The following ACKR2 variants were observed in gnomAD, a reference collection of about 807,000 sequenced individuals.
ACKR2 encodes the protein atypical chemokine receptor 2.
For missense variants in ACKR2, 457 were observed against 477.3 expected (o/e 0.96, Z 0.40); for synonymous variants, 207 against 192.2 (o/e 1.08, Z -0.64).
At chr3:42,855,697 T>A (rs1206556468) in intron 2 of ACKR2, among the ~76,000 whole-genome samples, 1 of 151,446 alleles carries the variant, frequency 6.6e-6, no homozygotes, top group Non-Finnish European at 1.5e-5. Context: ...CTGATGAAAG[T>A]GATAGGAGGA....
chr3:42,851,776 G>A (rs1444491731), intron 2 of ACKR2, among the ~76,000 whole-genome samples: 2 of 152,134 alleles, frequency 1.3e-5, no homozygotes, highest in Non-Finnish European at 2.9e-5. Flanking sequence ...GGGCCTCAGT[G>A]TTCCCGGCTG....
chr3:42,834,409 C>T (rs1312404365), intron 2 of ACKR2, among the ~76,000 whole-genome samples: 4 of 152,008 alleles, frequency 2.6e-5, no homozygotes, highest in Non-Finnish European at 5.9e-5. Context: ...GGGTCTCACT[C>T]TGTTGCTTAG....
chr3:42,825,857 T>G (rs1191177377), intron 2 of ACKR2, among the ~76,000 whole-genome samples: 1 of 103,470 alleles, frequency 9.7e-6, no homozygotes, highest in Non-Finnish European at 2.3e-5. Flanking sequence ...CTGGGTTTTT[T>G]TTTTTTTGTT....
In ACKR2 at chr3:42,865,886, C is replaced by T. The variant is rs1035207893; in HGVS notation, c.*229C>T. 4.0e-6 allele frequency: 2 copies of T among 501,596 alleles called. No individual in the cohort carries two copies. Among genetic ancestry groups the T allele is most frequent in the Admixed American group, 3.9e-5 (1 of 25,642 alleles). 31.1% of individuals were successfully genotyped at this position (501,596 alleles called of 1,614,324 possible). On this transcript the variant is annotated 3_prime_UTR_variant, in exon 3 of 3. Transcript: ENST00000422265. ...TGAATTGCTACAATCTTTCTTCCTT[C>T]CTTCCTTGCTTCCTTCCTTCCTTCC...
At chr3:42,816,292 A>G (rs1287494536) in intron 1 of ACKR2, among the ~76,000 whole-genome samples, 1 of 151,908 alleles carries the variant, frequency 6.6e-6, no homozygotes, top group Non-Finnish European at 1.5e-5. Flanking sequence ...GATGCTCACC[A>G]TCAATATGGT....
rs1449020505 is a variant in ACKR2 at position 42,822,666 on chromosome 3, A to G, written c.-38+2955A>G. ...TCAGGAGTTCGAGACCAGCCTTGCC[A>G]ACATGGTGAAACCCTGTCTCTACTG... On this transcript the variant is annotated intron_variant, in intron 2 of 2. Transcript: ENST00000422265. 2.0e-5 allele frequency among the ~76,000 whole-genome samples: 3 copies of G among 152,112 alleles called. No homozygotes were observed. The South Asian group carries it at 6.2e-4, about 32-fold the overall frequency.
chr3:42,819,024 G>A (rs763694085), intron 1 of ACKR2, among the ~76,000 whole-genome samples: 4 of 152,032 alleles, frequency 2.6e-5, no homozygotes, highest in Non-Finnish European at 2.9e-5. Flanking sequence ...GTGGGATGGT[G>A]GGCACAGAAT....
chr3:42,827,158 T>G (rs538010875), intron 2 of ACKR2, among the ~76,000 whole-genome samples: 1 of 152,368 alleles, frequency 6.6e-6, no homozygotes, highest in East Asian at 1.9e-4. Context: ...TCCTGGAGAA[T>G]GCTGTATGTG....
intron 2 of ACKR2, among the ~76,000 whole-genome samples, chr3:42,846,827 G>A (rs1352777656): frequency 6.6e-6 from 1 of 152,206 alleles, no homozygotes; most frequent in Non-Finnish European, 1.5e-5. Context: ...TGCTGGCTGG[G>A]CTATGCAGTG....
At chr3:42,825,014 T>C (rs901394004) in intron 2 of ACKR2, among the ~76,000 whole-genome samples, 3 of 152,152 alleles carry the variant, frequency 2.0e-5, no homozygotes, top group African/African-American at 4.8e-5. Context: ...GGAAAATCAA[T>C]TGGCCATGGA....
In ACKR2 at chr3:42,819,668, A is replaced by G. The variant is rs972095693; in HGVS notation, c.-81A>G. 3 of 152,276 alleles carry G rather than the reference A, an allele frequency of 2.0e-5. No individual in the cohort carries two copies. Among genetic ancestry groups the G allele is most frequent in the African/African-American group, 7.2e-5 (3 of 41,462 alleles). 9.4% of individuals were successfully genotyped at this position (152,276 alleles called of 1,614,324 possible). A position where few individuals can be genotyped will look rare whatever the true frequency, so the allele number is the denominator to read the frequency against. ...ACCTGCACACAGGAGCCCTCCAGTC[A>G]GTACTGATTGAATTACTCAAGGCTG... On this transcript the variant is annotated 5_prime_UTR_variant, in exon 2 of 3. Coordinates refer to ENST00000422265, the MANE Select transcript of ACKR2 (RefSeq NM_001296.5).
Position 42,865,091 on chromosome 3 carries a change from GC to G in ACKR2, c.590del (p.Ala197GlufsTer21). The G allele has an allele frequency of 6.2e-7, 1 of 1,613,984 alleles. No individual in the cohort carries two copies. The highest frequency in any genetic ancestry group is 1.7e-5 in the Admixed American group (1 of 60,010). On this transcript the variant is annotated frameshift_variant, in exon 3 of 3. Coordinates refer to ENST00000422265, the MANE Select transcript of ACKR2 (RefSeq NM_001296.5). LOFTEE classifies it low-confidence loss of function (END_TRUNC). Reference protein sequence around the residue: ...ENPKGVWNCHADFGGHGTIWK... With the variant: ...ENPKGVWNCHXDFGGHGTIWK... ...TCCCAAGGGTGTGTGGAACTGCCAC[GC>G]AGATTTCGGCGGGCATGGGACCATT...
intron 1 of ACKR2, among the ~76,000 whole-genome samples, chr3:42,815,515 A>C (rs1700739583): frequency 6.6e-6 from 1 of 152,220 alleles, no homozygotes; most frequent in Admixed American, 6.5e-5. Flanking sequence ...ATAGTACTTA[A>C]GCTGTTCATT....
intron 1 of ACKR2, among the ~76,000 whole-genome samples, chr3:42,814,038 GA>G (rs1304038855): frequency 6.6e-6 from 1 of 152,158 alleles, no homozygotes; most frequent in Non-Finnish European, 1.5e-5. Context: ...GTTTGTGGGA[GA>G]AATTCTCTCC....
chr3:42,819,115 C>T (rs1700783538), intron 1 of ACKR2, among the ~76,000 whole-genome samples: 1 of 152,138 alleles, frequency 6.6e-6, no homozygotes, highest in African/African-American at 2.4e-5. Context: ...ACACAACCAT[C>T]ACCTCTTAAA....
At chr3:42,847,570 G>A (rs1163874749) in intron 2 of ACKR2, among the ~76,000 whole-genome samples, 4 of 152,306 alleles carry the variant, frequency 2.6e-5, no homozygotes, top group African/African-American at 7.2e-5. Context: ...CCAGAATGGG[G>A]TGAATTTTGC....
chr3:42,856,125 G>GGAGGCCCCTGGTGCA (rs2088315930), intron 2 of ACKR2: 1 of 450,514 alleles, frequency 2.2e-6, no homozygotes, highest in South Asian at 4.7e-5. Flanking sequence ...TTGAAGGCCA[G>GGAGGCCCCTGGTGCA]GAGGCCCCTG....
intron 2 of ACKR2, among the ~76,000 whole-genome samples, chr3:42,857,989 C>T (rs2088341355): frequency 6.6e-6 from 1 of 152,244 alleles, no homozygotes; most frequent in African/African-American, 2.4e-5. Flanking sequence ...CCTCTCCGGG[C>T]AGGGCATCTC....
chr3:42,815,536 A>G (rs1442804182), intron 1 of ACKR2, among the ~76,000 whole-genome samples: 1 of 152,236 alleles, frequency 6.6e-6, no homozygotes, highest in Non-Finnish European at 1.5e-5. Flanking sequence ...TTAGACAAAA[A>G]TACACTTCCC....
Sources: gnomAD v4.1 joint callset for allele counts (sites outside exome capture counted in the v4.1 genomes callset) on GRCh38, gnomAD v4.1.1 for gene constraint, MANE v1.5 for transcripts, NCBI Gene and HGNC (gene_info 2026-07-23, HGNC 2026-07-21) for gene names.